Variants in CTTNBP2 observed in about 807,000 individuals in gnomAD.
CTTNBP2 encodes the protein cortactin-binding protein 2.
Under a neutral mutation model 156.9 loss-of-function variants are expected in CTTNBP2, and 108 were observed. That is an observed-to-expected ratio of 0.69 (90% CI 0.59 to 0.81). CTTNBP2 has a LOEUF of 0.81. Ranked by LOEUF, CTTNBP2 falls within the 30% of genes least tolerant of loss-of-function variation. The probability of loss-of-function intolerance (pLI) is 0.00; values close to 1 mark genes in which losing one functional copy is unlikely to be tolerated. For missense variants in CTTNBP2, 1,924 were observed against 2,035.4 expected, an observed-to-expected ratio of 0.95 and a Z score of 1.05; for synonymous variants, 767 against 751.8, an observed-to-expected ratio of 1.02 and a Z score of -0.33.
At chr7:117,756,433 A>G in intron 12 of CTTNBP2, 122 bp downstream of exon 12, 1 of 735,484 alleles carries the variant, frequency 1.4e-6, no homozygotes, top group Non-Finnish European at 2.4e-6. Flanking sequence ...TGGGGAAGGT[A>G]ACGGTGTCAG....
intron 18 of CTTNBP2, 129 bp downstream of exon 18, chr7:117,724,923 A>G: frequency 1.9e-6 from 2 of 1,055,276 alleles, no homozygotes; most frequent in Non-Finnish European, 2.8e-6. Flanking sequence ...TTAAAATCAC[A>G]GTTCTGGAAC....
At chr7:117,864,699 C>CATATATTTATATATATTCAT in intron 1 of CTTNBP2, among the ~76,000 whole-genome samples, 1 of 118,292 alleles carries the variant, frequency 8.5e-6, no homozygotes, top group South Asian at 2.6e-4. Flanking sequence ...CATATATATT[C>CATATATTTATATATATTCAT]ATATATTCAT....
chr7:117,772,324 AAG>A (rs1397250742), intron 8 of CTTNBP2, among the ~76,000 whole-genome samples: 10 of 152,052 alleles, frequency 6.6e-5, no homozygotes, highest in Admixed American at 6.5e-4. Flanking sequence ...TTATTCGTAA[AAG>A]AGTAAATCTA....
intron 6 of CTTNBP2, among the ~76,000 whole-genome samples, chr7:117,781,731 C>T (rs990667846): frequency 1.3e-5 from 2 of 152,096 alleles, no homozygotes; most frequent in East Asian, 1.9e-4. Flanking sequence ...AGCAAGACTC[C>T]GTCTAAAAGA....
chr7:117,838,313 G>C (rs989518667), intron 2 of CTTNBP2, among the ~76,000 whole-genome samples: 1 of 152,138 alleles, frequency 6.6e-6, no homozygotes, highest in Non-Finnish European at 1.5e-5. Flanking sequence ...TTCAGCTGCT[G>C]AGCTTCAATT....
intron 8 of CTTNBP2, among the ~76,000 whole-genome samples, chr7:117,768,928 C>T (rs917094482): frequency 1.1e-4 from 16 of 152,098 alleles, no homozygotes; most frequent in Non-Finnish European, 1.6e-4. Context: ...TGTGGGATTC[C>T]ATTATATTCC....
At chr7:117,754,705 A>G (rs1796796108) in intron 12 of CTTNBP2, among the ~76,000 whole-genome samples, 1 of 152,244 alleles carries the variant, frequency 6.6e-6, no homozygotes. Context: ...TCAAGAGTTA[A>G]TTGTTGGATT....
intron 12 of CTTNBP2, chr7:117,755,392 C>T: frequency 3.1e-6 from 1 of 326,408 alleles, no homozygotes. Flanking sequence ...ATAGTTCCAA[C>T]TCATTTATTT....
intron 9 of CTTNBP2, among the ~76,000 whole-genome samples, chr7:117,765,443 G>A (rs948290583): frequency 6.6e-6 from 1 of 152,156 alleles, no homozygotes; most frequent in African/African-American, 2.4e-5. Flanking sequence ...GCAGACTGAG[G>A]TGAGAGAAGG....
At chr7:117,713,122 G>A (rs1794151950) in intron 22 of CTTNBP2, among the ~76,000 whole-genome samples, 1 of 152,184 alleles carries the variant, frequency 6.6e-6, no homozygotes, top group African/African-American at 2.4e-5. Context: ...CTAAAGATCT[G>A]AGATGGAACA....
chr7:117,813,653 T>C (rs1800413759), intron 2 of CTTNBP2, among the ~76,000 whole-genome samples: 1 of 152,026 alleles, frequency 6.6e-6, no homozygotes, highest in Non-Finnish European at 1.5e-5. Flanking sequence ...TATCTCTCCT[T>C]CACGTCTGCA....
In CTTNBP2 at chr7:117,777,702, TAAG is replaced by T; in HGVS notation, c.2584_2586del (p.Leu862del). ...CCATGAGCTGGTATTCTATGGTACA[TAAG>T]AAGCTTGAGGCTGTCCACATTACCA... is the stretch of plus-strand genomic sequence containing the variant. On this transcript the variant is annotated inframe_deletion, in exon 8 of 23. Coordinates refer to ENST00000160373, the MANE Select transcript of CTTNBP2 (RefSeq NM_033427.3). 6.8e-6 allele frequency: 11 copies of T among 1,614,056 alleles called. No homozygotes were observed. Among genetic ancestry groups the T allele is most frequent in the Non-Finnish European group, 8.5e-6 (10 of 1,179,920 alleles).
At chr7:117,826,031 G>A (rs914188929) in intron 2 of CTTNBP2, among the ~76,000 whole-genome samples, 1 of 152,128 alleles carries the variant, frequency 6.6e-6, no homozygotes, top group Non-Finnish European at 1.5e-5. Context: ...TTTCATGTGT[G>A]TGTCCACACA....
intron 1 of CTTNBP2, among the ~76,000 whole-genome samples, chr7:117,872,654 C>G (rs1804694916): frequency 2.6e-5 from 4 of 152,178 alleles, no homozygotes; most frequent in Admixed American, 1.3e-4. Flanking sequence ...GAACCTCCAC[C>G]TCTCCTGAGC....
intron 2 of CTTNBP2, among the ~76,000 whole-genome samples, chr7:117,814,459 T>C (rs1335478067): frequency 6.6e-6 from 1 of 152,200 alleles, no homozygotes; most frequent in East Asian, 1.9e-4. Context: ...AGGGTCTTGC[T>C]CTGCCACCCA....
chr7:117,729,176 C>T (rs570438012), intron 16 of CTTNBP2, among the ~76,000 whole-genome samples: 12 of 152,318 alleles, frequency 7.9e-5, no homozygotes, highest in African/African-American at 2.6e-4. Flanking sequence ...TGTTAGACAT[C>T]GTAACGGAAT....
chr7:117,787,975 AT>A (rs1281823207), intron 4 of CTTNBP2, among the ~76,000 whole-genome samples: 6 of 152,018 alleles, frequency 3.9e-5, no homozygotes, highest in Non-Finnish European at 4.4e-5. Flanking sequence ...TTATTATATA[AT>A]TTTGGTTTAA....
chr7:117,763,432 T>G (rs894360470), intron 9 of CTTNBP2, among the ~76,000 whole-genome samples: 6 of 152,180 alleles, frequency 3.9e-5, no homozygotes, highest in Non-Finnish European at 8.8e-5. Flanking sequence ...ATTTGCCAAA[T>G]GCAATCGACT....
At chr7:117,839,665 C>A (rs1395652789) in intron 2 of CTTNBP2, among the ~76,000 whole-genome samples, 1 of 152,184 alleles carries the variant, frequency 6.6e-6, no homozygotes, top group African/African-American at 2.4e-5. Flanking sequence ...TCTCTGACTT[C>A]AGACTGAAGA....
Sources: allele counts gnomAD v4.1 joint callset (sites outside exome capture counted in the v4.1 genomes callset), GRCh38; gene constraint gnomAD v4.1.1; transcripts MANE v1.5; gene names NCBI Gene and HGNC (gene_info 2026-07-23, HGNC 2026-07-21).